The following NKAIN3 variants were observed in gnomAD, a reference collection of about 807,000 sequenced individuals.
NKAIN3 encodes sodium/potassium transporting ATPase interacting 3.
A neutral mutation model predicts 30.2 loss-of-function variants in NKAIN3; 25 were observed. The observed-to-expected ratio is 0.83, with a 90% confidence interval of 0.60 to 1.16. NKAIN3 has a LOEUF of 1.16. Among genes scored for constraint, NKAIN3 ranks in the 50% most tolerant of loss-of-function variants. NKAIN3 has a pLI of 0.00. For synonymous variants in NKAIN3, 91 were observed against 89.6 expected (o/e 1.02, Z -0.09); for missense variants, 225 against 254.1 (o/e 0.89, Z 0.78).
chr8:62,278,957 G>A (rs1585626076), intron 1 of NKAIN3, among the ~76,000 whole-genome samples: 1 of 152,186 alleles, frequency 6.6e-6, no homozygotes, highest in African/African-American at 2.4e-5. Context: ...TCACCACACT[G>A]TCTTCCACCA....
chr8:62,437,782 A>G (rs977457860), intron 1 of NKAIN3, among the ~76,000 whole-genome samples: 5 of 152,172 alleles, frequency 3.3e-5, no homozygotes, highest in Non-Finnish European at 4.4e-5. Context: ...CTTCTTCCCA[A>G]TGGAATCAAC....
At chr8:62,496,665 T>A (rs1428333697) in intron 1 of NKAIN3, among the ~76,000 whole-genome samples, 3 of 152,106 alleles carry the variant, frequency 2.0e-5, no homozygotes, top group Admixed American at 6.6e-5. Context: ...TGAGATAATA[T>A]AAAGAGTAGA....
At chr8:62,765,825 A>G (rs1184906085) in intron 4 of NKAIN3, among the ~76,000 whole-genome samples, 1 of 152,074 alleles carries the variant, frequency 6.6e-6, no homozygotes, top group Non-Finnish European at 1.5e-5. Flanking sequence ...CATCTATTAA[A>G]CTCAGTATTT....
intron 1 of NKAIN3, among the ~76,000 whole-genome samples, chr8:62,383,677 C>T (rs1386026190): frequency 1.3e-5 from 2 of 152,098 alleles, no homozygotes; most frequent in South Asian, 2.1e-4. Context: ...AACTTTCGGT[C>T]CTTCACCATC....
At chr8:62,438,156 T>A (rs1805225421) in intron 1 of NKAIN3, among the ~76,000 whole-genome samples, 2 of 152,224 alleles carry the variant, frequency 1.3e-5, no homozygotes, top group South Asian at 4.1e-4. Flanking sequence ...ACACTCCTCT[T>A]CTGGGCTGCT....
chr8:62,268,162 G>A (rs542780112), intron 1 of NKAIN3, among the ~76,000 whole-genome samples: 6 of 152,224 alleles, frequency 3.9e-5, no homozygotes, highest in Admixed American at 1.3e-4. Context: ...GGTTCCCTTG[G>A]TCTTCCAGCT....
intron 4 of NKAIN3, chr8:62,855,924 G>A (rs76728266): frequency 0.092 from 68,730 of 750,970 alleles, 5,186 homozygotes; most frequent in East Asian, 0.27. Context: ...TCTGCGTGAT[G>A]CTACAACCTC....
At chr8:62,617,571 T>G (rs1298708256) in intron 3 of NKAIN3, among the ~76,000 whole-genome samples, 4 of 152,170 alleles carry the variant, frequency 2.6e-5, no homozygotes, top group Non-Finnish European at 1.5e-5. Context: ...CTCAGGGAGC[T>G]TGTTTCCTCC....
intron 4 of NKAIN3, among the ~76,000 whole-genome samples, chr8:62,778,153 A>G (rs1325967674): frequency 1.3e-5 from 2 of 152,102 alleles, no homozygotes; most frequent in Non-Finnish European, 2.9e-5. Context: ...TCAAACCTGA[A>G]GCCAATACAG....
chr8:62,916,384 G>C (rs1012701774), intron 4 of NKAIN3, among the ~76,000 whole-genome samples: 4 of 152,172 alleles, frequency 2.6e-5, no homozygotes, highest in African/African-American at 9.7e-5. Context: ...GCAACTGCAA[G>C]AGAGAAAGAT....
chr8:62,379,760 T>A (rs1287690047), intron 1 of NKAIN3, among the ~76,000 whole-genome samples: 1 of 152,216 alleles, frequency 6.6e-6, no homozygotes, highest in Non-Finnish European at 1.5e-5. Context: ...CTCTGGTATT[T>A]CTTCATAGCA....
intron 4 of NKAIN3, among the ~76,000 whole-genome samples, chr8:62,760,632 G>C (rs1017574240): frequency 6.8e-6 from 1 of 147,824 alleles, no homozygotes; most frequent in African/African-American, 2.5e-5. Context: ...GTTGTGGTGT[G>C]GGGGGAGGGG....
chr8:62,941,737 G>A (rs916027906), intron 5 of NKAIN3, among the ~76,000 whole-genome samples: 57 of 151,960 alleles, frequency 3.8e-4, no homozygotes, highest in Admixed American at 2.6e-3. Flanking sequence ...AACTCTCAGC[G>A]AAATTGGCAT....
intron 1 of NKAIN3, among the ~76,000 whole-genome samples, chr8:62,360,558 C>A (rs1401834877): frequency 6.6e-6 from 1 of 152,112 alleles, no homozygotes; most frequent in African/African-American, 2.4e-5. Flanking sequence ...TTTTAAGTCT[C>A]AGAAAAGCCC....
chr8:62,507,019 G>A (rs1314883727), intron 1 of NKAIN3, among the ~76,000 whole-genome samples: 1 of 152,184 alleles, frequency 6.6e-6, no homozygotes, highest in African/African-American at 2.4e-5. Flanking sequence ...TTGCATAAAT[G>A]ACTGGTGTTT....
chr8:62,979,423 C>T lies in NKAIN3; in HGVS notation c.*14016C>T, dbSNP rs1436454972. ...CAAGATTGGGTGACTTATTTATGTA[C>T]ACACACATCCACAATCAAACTTCAA... On this transcript the variant is annotated 3_prime_UTR_variant, in exon 7 of 7. Coordinates refer to ENST00000623646, the MANE Select transcript of NKAIN3 (RefSeq NM_001304533.3). The T allele has an allele frequency of 6.6e-6, 1 of 152,182 alleles. No individual in the cohort carries two copies. The highest frequency in any genetic ancestry group is 1.5e-5 in the Non-Finnish European group (1 of 68,038). 9.4% of individuals were successfully genotyped at this position (152,182 alleles called of 1,614,324 possible).
intron 1 of NKAIN3, among the ~76,000 whole-genome samples, chr8:62,432,884 T>C (rs1360255763): frequency 6.6e-6 from 1 of 152,064 alleles, no homozygotes; most frequent in East Asian, 1.9e-4. Flanking sequence ...ATTTGATCAG[T>C]GCTCAGTAGT....
At position 62,756,560 on chromosome 8, in the gene NKAIN3, G is replaced by T. The variant is rs138964913; in HGVS notation, c.471+9431G>T. The stretch of plus-strand genomic sequence containing the variant: ...CTGATAAATTCTGAGAGGAATTTAG[G>T]CAATCCACTGTATATTTTATCTACA... On this transcript the variant is annotated intron_variant, in intron 4 of 6. Coordinates refer to ENST00000623646, the MANE Select transcript of NKAIN3 (RefSeq NM_001304533.3). 5.7e-3 allele frequency among the ~76,000 whole-genome samples: 868 copies of T among 152,100 alleles called. 5 individuals carry two copies. The highest frequency in any genetic ancestry group is 0.011 in the Non-Finnish European group (736 of 67,978).
intron 1 of NKAIN3, among the ~76,000 whole-genome samples, chr8:62,386,890 A>G (rs1817439349): frequency 6.6e-6 from 1 of 150,842 alleles, no homozygotes; most frequent in African/African-American, 2.4e-5. Context: ...GAAATAGTAT[A>G]CTTGGTGTTT....
Sources: allele counts gnomAD v4.1 joint callset (sites outside exome capture counted in the v4.1 genomes callset), GRCh38; gene constraint gnomAD v4.1.1; transcripts MANE v1.5; gene names NCBI Gene and HGNC (gene_info 2026-07-23, HGNC 2026-07-21).